CREB5: variants seen among roughly 807,000 people sequenced by gnomAD.
CREB5 encodes cAMP responsive element binding protein 5, also known as cyclic AMP-responsive element-binding protein 5.
A neutral mutation model predicts 57.1 loss-of-function variants in CREB5; 19 were observed. The ratio of observed to expected loss-of-function variants is 0.33; its 90% CI spans 0.23 to 0.49. CREB5 has a LOEUF of 0.49. Among genes scored for constraint, CREB5 ranks in the 20% least tolerant of loss-of-function variants. CREB5 has a pLI of 0.99. For missense variants in CREB5, 579 were observed against 671.6 expected, an observed-to-expected ratio of 0.86 and a Z score of 1.52; for synonymous variants, 238 against 238.3, an observed-to-expected ratio of 1.00 and a Z score of 0.01.
At chr7:28,477,593 C>T (rs574725183) in intron 1 of CREB5, among the ~76,000 whole-genome samples, 7 of 152,160 alleles carry the variant, frequency 4.6e-5, no homozygotes, top group African/African-American at 1.7e-4. Context: ...GAAGGCCCTG[C>T]GTTTGTTTAT....
intron 7 of CREB5, among the ~76,000 whole-genome samples, chr7:28,744,111 T>A (rs1804557129): frequency 7.3e-6 from 1 of 136,586 alleles, no homozygotes; most frequent in Admixed American, 7.6e-5. Context: ...TTTGGTTTTT[T>A]GTTCTTGCGA....
chr7:28,485,504 CCAAA>C (rs1166811666), intron 1 of CREB5, among the ~76,000 whole-genome samples: 2 of 151,672 alleles, frequency 1.3e-5, no homozygotes, highest in Non-Finnish European at 2.9e-5. Flanking sequence ...TAACACTTTC[CCAAA>C]AAAACCCTCC....
At chr7:28,560,937 CGTGCGTGTGT>C (rs56073790) in intron 4 of CREB5, among the ~76,000 whole-genome samples, 569 of 35,552 alleles carry the variant, frequency 0.016, 118 homozygotes, top group Non-Finnish European at 0.022. Context: ...TGCGTGTGTG[CGTGCGTGTGT>C]GTGCGTGTGT....
At chr7:28,769,275 G>A (rs1197245091) in intron 7 of CREB5, among the ~76,000 whole-genome samples, 1 of 152,118 alleles carries the variant, frequency 6.6e-6, no homozygotes, top group East Asian at 1.9e-4. Flanking sequence ...CTAGTGTTCT[G>A]TGGCACTACA....
At chr7:28,450,336 C>A (rs757455499) in intron 1 of CREB5, among the ~76,000 whole-genome samples, 60 of 152,272 alleles carry the variant, frequency 3.9e-4, no homozygotes, top group African/African-American at 1.4e-3. Flanking sequence ...ACACTAGAAA[C>A]AGCTGGTGAA....
At chr7:28,423,327 T>C (rs1000763989) in intron 1 of CREB5, among the ~76,000 whole-genome samples, 2 of 152,182 alleles carry the variant, frequency 1.3e-5, no homozygotes, top group African/African-American at 4.8e-5. Flanking sequence ...CAGGGATACA[T>C]GATCAAAATC....
chr7:28,544,751 A>G (rs575626606), intron 4 of CREB5, among the ~76,000 whole-genome samples: 11 of 152,268 alleles, frequency 7.2e-5, no homozygotes, highest in South Asian at 4.2e-4. Flanking sequence ...CTCTTTGCAG[A>G]TGCTACCTAT....
At chr7:28,512,907 T>G (rs1792775097) in intron 4 of CREB5, among the ~76,000 whole-genome samples, 1 of 152,180 alleles carries the variant, frequency 6.6e-6, no homozygotes, top group Admixed American at 6.5e-5. Flanking sequence ...ACCAAAATGA[T>G]TAAAAGTGAA....
chr7:28,554,497 C>T (rs1335478021), intron 4 of CREB5, among the ~76,000 whole-genome samples: 1 of 152,236 alleles, frequency 6.6e-6, no homozygotes, highest in Non-Finnish European at 1.5e-5. Context: ...AGCCTTCTCC[C>T]TTCCTTTTCA....
chr7:28,400,760 A>G (rs866944391), intron 1 of CREB5, among the ~76,000 whole-genome samples: 6 of 152,220 alleles, frequency 3.9e-5, no homozygotes, highest in Admixed American at 2.0e-4. Flanking sequence ...GAATCATTTT[A>G]AAAAGGTACT....
At chr7:28,620,843 A>G (rs1434640561) in intron 5 of CREB5, among the ~76,000 whole-genome samples, 1 of 152,192 alleles carries the variant, frequency 6.6e-6, no homozygotes, top group African/African-American at 2.4e-5. Context: ...AAATGGAAAA[A>G]AGACACAGTC....
intron 7 of CREB5, among the ~76,000 whole-genome samples, chr7:28,743,862 T>TTA (rs1491493758): frequency 1.5e-5 from 2 of 137,552 alleles, no homozygotes; most frequent in East Asian, 2.2e-4. Flanking sequence ...TTTTTTTTTT[T>TTA]ATTATACTCT....
chr7:28,817,735 T>G (rs1343121666), intron 9 of CREB5, among the ~76,000 whole-genome samples: 2 of 152,188 alleles, frequency 1.3e-5, no homozygotes, highest in Non-Finnish European at 2.9e-5. Flanking sequence ...TTGCTGGAGC[T>G]CAGCTGGGTT....
chr7:28,661,764 G>A (rs1799620942), intron 5 of CREB5, among the ~76,000 whole-genome samples: 1 of 152,150 alleles, frequency 6.6e-6, no homozygotes, highest in South Asian at 2.1e-4. Flanking sequence ...CCATGTACTA[G>A]GGATCCCTCT....
intron 5 of CREB5, among the ~76,000 whole-genome samples, chr7:28,613,373 G>C (rs1010163216): frequency 6.6e-6 from 1 of 152,168 alleles, no homozygotes; most frequent in African/African-American, 2.4e-5. Context: ...GCCTGAGTGG[G>C]AACAGACTGT....
chr7:28,491,975 G>A (rs1791826932), intron 2 of CREB5, among the ~76,000 whole-genome samples: 2 of 152,142 alleles, frequency 1.3e-5, no homozygotes, highest in Admixed American at 1.3e-4. Flanking sequence ...CCTATAATAC[G>A]TGGGAGGTTT....
At chr7:28,300,050 CTTTATTTA>C (rs150788504) in intron 1 of CREB5, among the ~76,000 whole-genome samples, 65,183 of 143,654 alleles carry the variant, frequency 0.45, 15,201 homozygotes, top group African/African-American at 0.56. Flanking sequence ...TGCTTTTTAG[CTTTATTTA>C]TTTATTTATT....
At chr7:28,639,482 G>T (rs971357694) in intron 5 of CREB5, among the ~76,000 whole-genome samples, 2 of 152,144 alleles carry the variant, frequency 1.3e-5, no homozygotes, top group Non-Finnish European at 2.9e-5. Context: ...CCTCAAAAAT[G>T]AGCATTGAAC....
intron 5 of CREB5, among the ~76,000 whole-genome samples, chr7:28,704,092 T>C (rs1012183132): frequency 2.0e-5 from 3 of 152,264 alleles, no homozygotes; most frequent in Admixed American, 2.0e-4. Flanking sequence ...ATGAGTCTGA[T>C]GGCTCCAACA....
Sources: allele counts gnomAD v4.1 joint callset (sites outside exome capture counted in the v4.1 genomes callset), GRCh38; gene constraint gnomAD v4.1.1; transcripts MANE v1.5; gene names NCBI Gene and HGNC (gene_info 2026-07-23, HGNC 2026-07-21).